The following RAB3IP variants were observed in gnomAD, a reference collection of about 807,000 sequenced individuals.
RAB3IP encodes RAB3A interacting protein.
A neutral mutation model predicts 59.1 loss-of-function variants in RAB3IP; 36 were observed. The ratio of observed to expected loss-of-function variants is 0.61; its 90% CI spans 0.47 to 0.80. The LOEUF (loss-of-function observed/expected upper bound fraction) is 0.80, where lower values mean the gene tolerates loss of function less well. RAB3IP is among the 30% of genes least tolerant of loss of function. The pLI, the probability that RAB3IP is intolerant of heterozygous loss-of-function variation, is 0.00. For synonymous variants in RAB3IP, 207 were observed against 191.2 expected (o/e 1.08, Z -0.68); for missense variants, 511 against 536.0 (o/e 0.95, Z 0.46).
At chr12:69,762,451 C>A in intron 3 of RAB3IP, among the ~76,000 whole-genome samples, 1 of 152,144 alleles carries the variant, frequency 6.6e-6, no homozygotes, top group Admixed American at 6.5e-5. Context: ...TTATTTTAAA[C>A]TTTTATTTTT....
chr12:69,741,441 G>A (rs972040273), intron 1 of RAB3IP, among the ~76,000 whole-genome samples: 6 of 152,192 alleles, frequency 3.9e-5, no homozygotes, highest in African/African-American at 1.2e-4. Context: ...CTATTAAAGA[G>A]CTTTGTAACT....
intron 8 of RAB3IP, among the ~76,000 whole-genome samples, chr12:69,809,895 A>G (rs569754549): frequency 6.6e-6 from 1 of 151,730 alleles, no homozygotes; most frequent in South Asian, 2.1e-4. Flanking sequence ...TTCTCTCTCA[A>G]CTCGTCAAAG....
At chr12:69,762,756 C>CAAAAAAAAAAAAAA (rs11445702) in intron 3 of RAB3IP, among the ~76,000 whole-genome samples, 16 of 76,754 alleles carry the variant, frequency 2.1e-4, no homozygotes, top group African/African-American at 4.3e-4. Flanking sequence ...GACTCCGTCT[C>CAAAAAAAAAAAAAA]AAAAAAAAAA....
chr12:69,769,275 G>T (rs984190885), intron 3 of RAB3IP, among the ~76,000 whole-genome samples: 7 of 152,110 alleles, frequency 4.6e-5, no homozygotes, highest in African/African-American at 1.4e-4. Flanking sequence ...TCTGCTTTTG[G>T]TCCTGGATTT....
intron 3 of RAB3IP, among the ~76,000 whole-genome samples, chr12:69,783,137 G>T (rs898767461): frequency 6.6e-5 from 10 of 152,166 alleles, no homozygotes; most frequent in South Asian, 2.1e-4. Context: ...AAATGATCTG[G>T]ATTTCCCTGG....
chr12:69,762,408 C>T (rs560304418), intron 3 of RAB3IP, among the ~76,000 whole-genome samples: 1 of 152,290 alleles, frequency 6.6e-6, no homozygotes, highest in East Asian at 1.9e-4. Flanking sequence ...TTGATTCTTA[C>T]ATTCACTAAA....
At chr12:69,795,095 C>A in intron 5 of RAB3IP, 46 bp from the exon 6 acceptor site, 1 of 1,414,134 alleles carries the variant, frequency 7.1e-7, no homozygotes, top group South Asian at 1.2e-5. Flanking sequence ...CTGCATATGT[C>A]ATGAAACGTA....
chr12:69,740,253 G>GT, intron 1 of RAB3IP, among the ~76,000 whole-genome samples: 1 of 152,052 alleles, frequency 6.6e-6, no homozygotes, highest in African/African-American at 2.4e-5. Flanking sequence ...ATTTGATACT[G>GT]TTAAATATTT....
chr12:69,747,331 T>TGAGAGA (rs774489387), intron 1 of RAB3IP, among the ~76,000 whole-genome samples: 3 of 86,008 alleles, frequency 3.5e-5, no homozygotes, highest in African/African-American at 7.5e-5. Flanking sequence ...TGTGTGTGTG[T>TGAGAGA]GAGAGAGAGA....
intron 4 of RAB3IP, chr12:69,785,105 T>C (rs535896340): frequency 8.5e-4 from 170 of 199,356 alleles, no homozygotes; most frequent in African/African-American, 3.9e-3. Context: ...ATTTACGGGC[T>C]ACTTTAGATT....
At chr12:69,813,915 A>C (rs946682273) in intron 10 of RAB3IP, among the ~76,000 whole-genome samples, 6 of 152,168 alleles carry the variant, frequency 3.9e-5, no homozygotes, top group African/African-American at 1.4e-4. Flanking sequence ...AGCCTTTCTC[A>C]AGGTCTGGTA....
chr12:69,760,665 A>C (rs546508913), intron 3 of RAB3IP, among the ~76,000 whole-genome samples: 1 of 151,046 alleles, frequency 6.6e-6, no homozygotes, highest in South Asian at 2.1e-4. Context: ...AGATATTTTC[A>C]CTGAGTAAAG....
intron 8 of RAB3IP, among the ~76,000 whole-genome samples, chr12:69,808,408 T>C (rs918098732): frequency 2.0e-5 from 3 of 152,244 alleles, no homozygotes; most frequent in Admixed American, 6.5e-5. Context: ...CTATTAGGTC[T>C]GCTTGGTGCA....
At position 69,817,987 on chromosome 12, in the gene RAB3IP, C is replaced by T. The variant is rs1881310827; in HGVS notation, c.*2541C>T. 6.6e-6 allele frequency: 1 copy of T among 152,172 alleles called. No homozygotes were observed. Among genetic ancestry groups the T allele is most frequent in the Admixed American group, 6.5e-5 (1 of 15,272 alleles). The allele number at this position is 152,172 out of a possible 1,614,324, so 9.4% of individuals were successfully genotyped here. A position where few individuals can be genotyped will look rare whatever the true frequency, so the allele number is the denominator to read the frequency against. On this transcript the variant is annotated 3_prime_UTR_variant, in exon 11 of 11. Transcript: ENST00000247833. Reference sequence around the variant, plus strand: ...CCAATAAACATTAAGAGGTTTTCATCTCTCAATCAGGAAAACGTAAATCAA... The same window carrying T: ...CCAATAAACATTAAGAGGTTTTCATTTCTCAATCAGGAAAACGTAAATCAA...
At chr12:69,757,286 A>T (rs1870384468) in intron 3 of RAB3IP, among the ~76,000 whole-genome samples, 1 of 152,232 alleles carries the variant, frequency 6.6e-6, no homozygotes, top group African/African-American at 2.4e-5. Flanking sequence ...CACTTTAAGA[A>T]TCTGTAAAAA....
intron 3 of RAB3IP, among the ~76,000 whole-genome samples, chr12:69,780,808 C>CT (rs577738994): frequency 0.013 from 1,945 of 145,296 alleles, 43 homozygotes; most frequent in African/African-American, 0.042. Flanking sequence ...CCTCCTAAAT[C>CT]TTTTTTTTTT....
At chr12:69,756,982 C>T (rs1469767060) in intron 3 of RAB3IP, among the ~76,000 whole-genome samples, 2 of 152,168 alleles carry the variant, frequency 1.3e-5, no homozygotes, top group African/African-American at 4.8e-5. Context: ...GTTTTTCCTT[C>T]TTACTACATG....
At chr12:69,751,529 C>A (rs1027652575) in intron 1 of RAB3IP, among the ~76,000 whole-genome samples, 7 of 152,004 alleles carry the variant, frequency 4.6e-5, no homozygotes, top group Non-Finnish European at 8.8e-5. Context: ...AAATTTAGGC[C>A]TCTAGGATTT....
chr12:69,765,660 C>G (rs1434733108), intron 3 of RAB3IP, among the ~76,000 whole-genome samples: 1 of 152,212 alleles, frequency 6.6e-6, no homozygotes, highest in Non-Finnish European at 1.5e-5. Context: ...ATCAAAGCCT[C>G]TGCACAGGAG....
Sources: allele counts gnomAD v4.1 joint callset (sites outside exome capture counted in the v4.1 genomes callset), GRCh38; gene constraint gnomAD v4.1.1; transcripts MANE v1.5; gene names NCBI Gene and HGNC (gene_info 2026-07-23, HGNC 2026-07-21).